SGSM2: variants seen among roughly 807,000 people sequenced by gnomAD.
The protein encoded by SGSM2 is small G protein signaling modulator 2, also known as RUN and TBC1 domain containing 1.
In SGSM2, 89 loss-of-function variants were observed where a neutral mutation model predicts 126.6. That is an observed-to-expected ratio of 0.70 (90% confidence interval 0.59 to 0.84). SGSM2 has a LOEUF of 0.84. SGSM2 is among the 40% of genes least tolerant of loss of function. The pLI is 0.00. For missense variants in SGSM2, 1,404 were observed against 1,416.6 expected, an observed-to-expected ratio of 0.99 and a Z score of 0.14; for synonymous variants, 614 against 574.3, an observed-to-expected ratio of 1.07 and a Z score of -0.99.
Position 2,365,312 on chromosome 17 carries a change from T to A in SGSM2, c.1259T>A (p.Ile420Asn), listed in dbSNP as rs1486138843. Reference protein sequence around the residue: ...TGRATDYVFRIIYPGHRHEHI... With the variant: ...TGRATDYVFRNIYPGHRHEHI... Reference sequence around the variant, plus strand: ...CGGGCCACCGACTATGTGTTCCGGATCATCTACCCCGGCCACAGGCACGAG... The same window carrying A: ...CGGGCCACCGACTATGTGTTCCGGAACATCTACCCCGGCCACAGGCACGAG... The change falls in exon 11 of 24, where the codon ATC becomes AAC. Residue 420 changes from isoleucine (I) to asparagine (N), a missense_variant. Ile to Asn is a moderately radical substitution (Grantham distance 149). Coordinates refer to ENST00000268989, the MANE Select transcript of SGSM2 (RefSeq NM_014853.3). 6.3e-7 allele frequency: 1 copy of A among 1,577,490 alleles called. No homozygotes were observed. The highest frequency in any genetic ancestry group is 1.8e-5 in the Admixed American group (1 of 54,450).
intron 18 of SGSM2, 67 bp downstream of exon 18, chr17:2,375,942 G>A (rs1040750306): frequency 2.8e-5 from 42 of 1,511,584 alleles, no homozygotes; most frequent in Non-Finnish European, 3.6e-5. Context: ...CAGAGCTGGG[G>A]AAGCGCTGGT....
At position 2,379,949 on chromosome 17, in the gene SGSM2, G is replaced by T; in HGVS notation, c.*429G>T. The stretch of plus-strand genomic sequence containing the variant: ...GGCTCTGTGCTGTGTCCCTTCTGAG[G>T]GTCCCTTTGCAGTCCCAGTATATTG... On this transcript the variant is annotated 3_prime_UTR_variant, in exon 24 of 24. Transcript: ENST00000268989. The T allele has an allele frequency of 7.5e-7, 1 of 1,328,946 alleles. No individual in the cohort carries two copies. The highest frequency in any genetic ancestry group is 2.0e-5 in the South Asian group (1 of 50,878). The allele number at this position is 1,328,946 out of a possible 1,614,324, so 82.3% of individuals were successfully genotyped here.
At chr17:2,347,314 C>G (rs1265118480) in intron 2 of SGSM2, among the ~76,000 whole-genome samples, 1 of 151,914 alleles carries the variant, frequency 6.6e-6, no homozygotes, top group African/African-American at 2.4e-5. Flanking sequence ...ACCATGTTGG[C>G]CAGGCTGGTC....
At chr17:2,347,604 G>C (rs190045791) in intron 2 of SGSM2, among the ~76,000 whole-genome samples, 3 of 149,794 alleles carry the variant, frequency 2.0e-5, no homozygotes, top group African/African-American at 7.4e-5. Context: ...GGTATCTCCT[G>C]TCGCCCCCTC....
intron 2 of SGSM2, among the ~76,000 whole-genome samples, chr17:2,354,250 A>C (rs929479913): frequency 1.3e-5 from 2 of 151,762 alleles, no homozygotes; most frequent in Non-Finnish European, 2.9e-5. Context: ...GGGTTTCACT[A>C]TGTTACCCAG....
chr17:2,354,665 C>A (rs376921259), intron 2 of SGSM2, among the ~76,000 whole-genome samples: 1 of 152,242 alleles, frequency 6.6e-6, no homozygotes, highest in Admixed American at 6.5e-5. Flanking sequence ...AGGTTATTTG[C>A]AGCATTAGTG....
intron 2 of SGSM2, among the ~76,000 whole-genome samples, chr17:2,360,027 A>T (rs1237942066): frequency 6.6e-6 from 1 of 152,192 alleles, no homozygotes; most frequent in East Asian, 1.9e-4. Flanking sequence ...GGAGAGGAGC[A>T]TGTGGACGCT....
Position 2,361,839 on chromosome 17 carries a change from C to G in SGSM2, c.296+40C>G, listed in dbSNP as rs572752112. Reference sequence around the variant, plus strand: ...AGCCCCTTCTTCCCTCCTTTCAGCTCTTCCCACTTGGCAATTGCTACTTCC... The same window carrying G: ...AGCCCCTTCTTCCCTCCTTTCAGCTGTTCCCACTTGGCAATTGCTACTTCC... On this transcript the variant is annotated intron_variant, in intron 3 of 23. Coordinates refer to ENST00000268989, the MANE Select transcript of SGSM2 (RefSeq NM_014853.3). 2.3e-5 allele frequency: 35 copies of G among 1,552,832 alleles called. 1 individual carries two copies. In the South Asian group the frequency reaches 3.9e-4, roughly 17 times the overall value.
intron 2 of SGSM2, among the ~76,000 whole-genome samples, chr17:2,355,472 C>T (rs878890961): frequency 7.4e-5 from 1 of 13,592 alleles, no homozygotes; most frequent in Non-Finnish European, 1.9e-4. Context: ...ATGGTGGAAT[C>T]GGGGTGTAAG....
intron 16 of SGSM2, 98 bp downstream of exon 16, chr17:2,373,179 G>T: frequency 1.3e-6 from 2 of 1,563,942 alleles, no homozygotes; most frequent in East Asian, 2.3e-5. Flanking sequence ...TTCCCAGCCG[G>T]AAAGAAGCAT....
Position 2,375,453 on chromosome 17 carries a change from C to G in SGSM2, c.2101-39C>G, listed in dbSNP as rs772823923. ...GGAGGCGGTGGGCTGCGGGAAGGTG[C>G]TGGAGTGCAGGTGGAGCCGCCCTGT... On this transcript the variant is annotated intron_variant, in intron 17 of 23. Transcript: ENST00000268989. 3 of 1,568,378 alleles carry G rather than the reference C, an allele frequency of 1.9e-6. No homozygotes were observed. In the South Asian group the frequency reaches 3.5e-5, roughly 19 times the overall value.
intron 12 of SGSM2, among the ~76,000 whole-genome samples, chr17:2,370,570 C>G (rs1319129432): frequency 1.3e-5 from 2 of 149,074 alleles, no homozygotes; most frequent in Non-Finnish European, 3.0e-5. Context: ...ATCCAGCTCC[C>G]TGGTGTTTTC....
At chr17:2,378,761 A>G (rs1020220810) in intron 22 of SGSM2, among the ~76,000 whole-genome samples, 1 of 152,166 alleles carries the variant, frequency 6.6e-6, no homozygotes, top group Non-Finnish European at 1.5e-5. Context: ...TACCCAAGAA[A>G]AGGATGGGGC....
In SGSM2 at chr17:2,372,111, A is replaced by G. The variant is rs2151618916; in HGVS notation, c.1578-79A>G. On this transcript the variant is annotated intron_variant, in intron 13 of 23. Transcript: ENST00000268989. The surrounding 1 kb of genome is among the most constrained non-coding windows in gnomAD (Gnocchi z 6.0). The stretch of plus-strand genomic sequence containing the variant: ...CCCAGTGCCTTACCTGCCCCCCAGG[A>G]CAGAGCCTCCTCCCTTCTCTCTCTC... 6.4e-7 allele frequency: 1 copy of G among 1,552,148 alleles called. No individual in the cohort carries two copies. Among genetic ancestry groups the G allele is most frequent in the East Asian group, 2.3e-5 (1 of 44,250 alleles).
chr17:2,354,570 A>G (rs2447107), intron 2 of SGSM2, among the ~76,000 whole-genome samples: 66,980 of 152,116 alleles, frequency 0.44, 15,094 homozygotes, highest in East Asian at 0.64. Flanking sequence ...CATGTGGATG[A>G]CTTCCAGTCT....
Position 2,376,811 on chromosome 17 carries a change from C to G in SGSM2, c.2688C>G (p.Asp896Glu). The G allele has an allele frequency of 6.2e-7, 1 of 1,614,080 alleles. No homozygotes were observed. Among genetic ancestry groups the G allele is most frequent in the Non-Finnish European group, 8.5e-7 (1 of 1,180,016 alleles). ...DLLAPLLVTL[D>E]NDQLAYSCFS... ...TGGCGCCTCTCCTGGTCACCCTCGA[C>G]AATGGTGAGGGATGGCGGGACATGG... Residue 896 changes from aspartate (D) to glutamate (E), a missense_variant, in exon 20 of 24, where the codon GAC becomes GAG. Transcript: ENST00000268989.
chr17:2,347,967 A>G (rs779656437), intron 2 of SGSM2, among the ~76,000 whole-genome samples: 17 of 152,276 alleles, frequency 1.1e-4, no homozygotes, highest in Non-Finnish European at 1.8e-4. Flanking sequence ...CTGCCTCCTC[A>G]GTCACCAGAT....
At chr17:2,351,924 C>T (rs1012741231) in intron 2 of SGSM2, among the ~76,000 whole-genome samples, 1 of 152,128 alleles carries the variant, frequency 6.6e-6, no homozygotes, top group African/African-American at 2.4e-5. Context: ...ACCAGTATCA[C>T]CAGTGCAGGC....
intron 2 of SGSM2, among the ~76,000 whole-genome samples, chr17:2,352,225 C>T (rs2151513847): frequency 6.6e-6 from 1 of 152,350 alleles, no homozygotes; most frequent in East Asian, 1.9e-4. Context: ...TCCTCTCCGG[C>T]ATTGTTGGTT....
Sources: gnomAD v4.1 joint callset for allele counts (sites outside exome capture counted in the v4.1 genomes callset) on GRCh38, gnomAD v4.1.1 for gene constraint, Gnocchi (gnomAD v3.1) non-coding constraint, MANE v1.5 for transcripts, NCBI Gene and HGNC (gene_info 2026-07-23, HGNC 2026-07-21) for gene names.